The following EYS variants were observed in gnomAD, a reference collection of about 807,000 sequenced individuals.
The protein encoded by EYS is EGF-like photoreceptor maintenance factor.
EYS carries 250 observed loss-of-function variants against 282.1 expected under a neutral mutation model. The ratio of observed to expected loss-of-function variants is 0.89; its 90% confidence interval spans 0.80 to 0.98. EYS has a LOEUF of 0.98. EYS is among the 50% of genes least tolerant of loss of function. EYS has a pLI of 0.00. For missense variants in EYS, 4,016 were observed against 3,709.0 expected, an observed-to-expected ratio of 1.08 and a Z score of -2.15; for synonymous variants, 1,355 against 1,282.9, an observed-to-expected ratio of 1.06 and a Z score of -1.20.
At chr6:64,454,852 A>T (rs1260941318) in intron 26 of EYS, among the ~76,000 whole-genome samples, 1 of 152,154 alleles carries the variant, frequency 6.6e-6, no homozygotes, top group African/African-American at 2.4e-5. Context: ...GATACGGTAG[A>T]TGTCTCCCTT....
chr6:63,993,156 C>T (rs943374757), intron 34 of EYS, among the ~76,000 whole-genome samples: 2 of 151,622 alleles, frequency 1.3e-5, no homozygotes, highest in Admixed American at 6.6e-5. Context: ...AAAAAATACT[C>T]AGCAAATTAG....
chr6:65,349,312 C>T (rs1401126457), intron 9 of EYS, among the ~76,000 whole-genome samples: 1 of 151,434 alleles, frequency 6.6e-6, no homozygotes, highest in Non-Finnish European at 1.5e-5. Context: ...TGCACTTTTG[C>T]AGAGTACACT....
intron 1 of EYS, among the ~76,000 whole-genome samples, chr6:65,684,233 C>G (rs966428057): frequency 1.3e-5 from 2 of 151,912 alleles, no homozygotes; most frequent in Non-Finnish European, 2.9e-5. Flanking sequence ...CAGAAGGGTG[C>G]GAGACACAGT....
At chr6:65,418,201 T>C (rs988038219) in intron 5 of EYS, among the ~76,000 whole-genome samples, 4 of 152,068 alleles carry the variant, frequency 2.6e-5, no homozygotes, top group Non-Finnish European at 5.9e-5. Context: ...CAAGTATTCC[T>C]AGTAGAAAAA....
intron 31 of EYS, among the ~76,000 whole-genome samples, chr6:64,155,258 C>T (rs536722902): frequency 6.6e-6 from 1 of 152,024 alleles, no homozygotes; most frequent in Non-Finnish European, 1.5e-5. Context: ...TTTGGAAACA[C>T]TGACTGAGAC....
chr6:64,671,054 A>C (rs1156698376), intron 22 of EYS, among the ~76,000 whole-genome samples: 1 of 152,172 alleles, frequency 6.6e-6, no homozygotes, highest in African/African-American at 2.4e-5. Flanking sequence ...TTTTGCATTC[A>C]TTCCCTCAAG....
At chr6:65,514,016 T>C (rs1398637367) in intron 2 of EYS, among the ~76,000 whole-genome samples, 2 of 152,258 alleles carry the variant, frequency 1.3e-5, no homozygotes, top group African/African-American at 4.8e-5. Flanking sequence ...TGTTTGCAGA[T>C]GACATGATTG....
chr6:65,271,597 T>G (rs1455783534), intron 12 of EYS, among the ~76,000 whole-genome samples: 2 of 152,112 alleles, frequency 1.3e-5, no homozygotes, highest in African/African-American at 4.8e-5. Flanking sequence ...ATTTTTTATT[T>G]TTTTAGTTGG....
intron 31 of EYS, among the ~76,000 whole-genome samples, chr6:64,097,356 G>T (rs1714998397): frequency 6.6e-6 from 1 of 152,194 alleles, no homozygotes; most frequent in Admixed American, 6.5e-5. Flanking sequence ...CAGAGGTAGA[G>T]TCTACAGAGG....
intron 31 of EYS, among the ~76,000 whole-genome samples, chr6:64,121,366 G>C (rs1263029132): frequency 6.6e-6 from 1 of 152,176 alleles, no homozygotes; most frequent in Non-Finnish European, 1.5e-5. Flanking sequence ...GCTGACCACA[G>C]TGATATACAT....
At chr6:65,150,442 T>C (rs953641170) in intron 12 of EYS, among the ~76,000 whole-genome samples, 1 of 152,006 alleles carries the variant, frequency 6.6e-6, no homozygotes, top group African/African-American at 2.4e-5. Context: ...ACTAATAAGA[T>C]GGATATTTTA....
intron 12 of EYS, among the ~76,000 whole-genome samples, chr6:65,152,402 T>C (rs1036995357): frequency 6.6e-6 from 1 of 151,918 alleles, no homozygotes; most frequent in Non-Finnish European, 1.5e-5. Flanking sequence ...AAGAGGTGAT[T>C]ACATTAAAGT....
Position 64,990,459 on chromosome 6 carries a change from A to G in EYS, c.2259+7123T>C, listed in dbSNP as rs76960013. On this transcript the variant is annotated intron_variant, in intron 14 of 42. Coordinates refer to ENST00000503581, the MANE Select transcript of EYS (RefSeq NM_001142800.2). ...TGTAAATATCACAAATAATAACGGT[A>G]AAGTGCAGTGTTTGTTTTGAAATCA... 3.0e-4 allele frequency among the ~76,000 whole-genome samples: 45 copies of G among 151,760 alleles called. 2 individuals carry two copies. In the East Asian group the frequency reaches 8.7e-3, roughly 30 times the overall value.
chr6:63,862,772 A>G (rs974660802), intron 36 of EYS, among the ~76,000 whole-genome samples: 2 of 152,186 alleles, frequency 1.3e-5, no homozygotes, highest in Admixed American at 6.6e-5. Flanking sequence ...AATTCTATTC[A>G]GTCTATAATG....
intron 5 of EYS, among the ~76,000 whole-genome samples, chr6:65,411,745 A>C (rs75374608): frequency 0.025 from 3,812 of 151,434 alleles, 163 homozygotes; most frequent in African/African-American, 0.088. Flanking sequence ...ACTTTTTGGA[A>C]TTGTCTTTTT....
intron 22 of EYS, among the ~76,000 whole-genome samples, chr6:64,704,763 T>C (rs969829035): frequency 1.3e-5 from 2 of 152,002 alleles, no homozygotes; most frequent in East Asian, 3.9e-4. Flanking sequence ...GAGTTACAGC[T>C]GTTCCACAAA....
rs902684257 is a variant in EYS, at chr6:65,058,509, A to T, written c.2024-782T>A. Among the ~76,000 whole-genome samples, 5 of 139,550 alleles carry T rather than the reference A, an allele frequency of 3.6e-5. 2 individuals carry two copies. The Admixed American group carries it at 3.7e-4, about 10-fold the overall frequency. 91.6% of individuals were successfully genotyped at this position (139,550 alleles called of 152,430 possible). ...ACTATTTACTAATAAAGCCATGAGT[A>T]ATGGGTAGATGCATTTCAATCTACT... On this transcript the variant is annotated intron_variant, in intron 12 of 42. Transcript: ENST00000503581.
intron 1 of EYS, among the ~76,000 whole-genome samples, chr6:65,694,572 AG>A (rs1363145285): frequency 6.7e-6 from 1 of 149,982 alleles, no homozygotes; most frequent in African/African-American, 2.4e-5. Flanking sequence ...GAAGAGGCTC[AG>A]GTAACTAAAA....
intron 7 of EYS, among the ~76,000 whole-genome samples, chr6:65,390,963 G>A (rs1766007336): frequency 6.6e-6 from 1 of 152,072 alleles, no homozygotes; most frequent in African/African-American, 2.4e-5. Flanking sequence ...AGATACAGAG[G>A]GCACAGTGGA....
Sources: gnomAD v4.1 joint callset for allele counts (sites outside exome capture counted in the v4.1 genomes callset) on GRCh38, gnomAD v4.1.1 for gene constraint, MANE v1.5 for transcripts, NCBI Gene and HGNC (gene_info 2026-07-23, HGNC 2026-07-21) for gene names.